Variants in RAB22A observed in about 807,000 individuals in gnomAD.
RAB22A encodes RAB22A, member RAS oncogene family.
RAB22A carries 13 observed loss-of-function variants against 30.2 expected under a neutral mutation model. The observed-to-expected ratio is 0.43, with a 90% CI of 0.28 to 0.68. RAB22A has a LOEUF of 0.68. Among genes scored for constraint, RAB22A ranks in the 30% least tolerant of loss-of-function variants. RAB22A has a pLI of 0.18. For missense variants in RAB22A, 177 were observed against 246.8 expected (o/e 0.72, Z 1.89); for synonymous variants, 89 against 87.2 (o/e 1.02, Z -0.11).
chr20:58,353,372 G>T, intron 4 of RAB22A, 28 bp downstream of exon 4: 1 of 1,610,244 alleles, frequency 6.2e-7, no homozygotes, highest in Non-Finnish European at 8.5e-7. Flanking sequence ...TCTTTAGATT[G>T]TTTTGAAAAC....
At position 58,347,578 on chromosome 20, in the gene RAB22A, C is replaced by T. The variant is rs546491616; in HGVS notation, c.198+3779C>T. Among the ~76,000 whole-genome samples the T allele has an allele frequency of 2.0e-5, 3 of 152,264 alleles. No homozygotes were observed. The East Asian group carries it at 5.8e-4, about 29-fold the overall frequency. ...TAGTATGTAGTTTTATCAGAAAATT[C>T]ATAGCCAAGTTATCAATCAAGTTCG... On this transcript the variant is annotated intron_variant, in intron 3 of 6. Coordinates refer to ENST00000244040, the MANE Select transcript of RAB22A (RefSeq NM_020673.3).
chr20:58,325,476 C>CA (rs377044321), intron 2 of RAB22A, among the ~76,000 whole-genome samples: 1,464 of 142,918 alleles, frequency 0.01, 22 homozygotes, highest in Middle Eastern at 0.033. Flanking sequence ...GACTCCGTCT[C>CA]AAAAAAAAAA....
chr20:58,343,667 G>A, intron 2 of RAB22A, 51 bp from the exon 3 acceptor site: 3 of 1,445,296 alleles, frequency 2.1e-6, no homozygotes, highest in Non-Finnish European at 2.9e-6. Context: ...ACTGGGGCTG[G>A]AAACGTGCTT....
chr20:58,312,769 C>T (rs138347465), intron 2 of RAB22A, among the ~76,000 whole-genome samples: 5 of 152,136 alleles, frequency 3.3e-5, no homozygotes, highest in Admixed American at 1.3e-4. Flanking sequence ...AGATTACAGG[C>T]GTGAGCCACC....
In RAB22A at chr20:58,366,792, A is replaced by G. The variant is rs867591752; in HGVS notation, c.*7089A>G. Reference sequence around the variant, plus strand: ...TGTTTTGTTTTGTTTTACCATTGGTAATAAGATAGTTAACATAAGTGGTCA... The same window carrying G: ...TGTTTTGTTTTGTTTTACCATTGGTGATAAGATAGTTAACATAAGTGGTCA... On this transcript the variant is annotated 3_prime_UTR_variant, in exon 7 of 7. Transcript: ENST00000244040. 6.6e-6 allele frequency: 1 copy of G among 152,314 alleles called. No homozygotes were observed. The highest frequency in any genetic ancestry group is 1.9e-4 in the East Asian group (1 of 5,204). 9.4% of individuals were successfully genotyped at this position (152,314 alleles called of 1,614,324 possible). A position where few individuals can be genotyped will look rare whatever the true frequency, so the allele number is the denominator to read the frequency against.
chr20:58,349,065 C>A (rs1053967009), intron 3 of RAB22A, among the ~76,000 whole-genome samples: 17 of 152,216 alleles, frequency 1.1e-4, no homozygotes, highest in Admixed American at 9.8e-4. Flanking sequence ...GTGCTGACAG[C>A]TTTTGAGTCT....
chr20:58,336,963 G>A (rs1009537552), intron 2 of RAB22A, among the ~76,000 whole-genome samples: 8 of 152,168 alleles, frequency 5.3e-5, no homozygotes, highest in South Asian at 4.2e-4. Flanking sequence ...GATTCTTGCC[G>A]TTGCTCTTCA....
At position 58,360,065 on chromosome 20, in the gene RAB22A, G is replaced by T. The variant is rs1177560386; in HGVS notation, c.*362G>T. 6.4e-6 allele frequency: 1 copy of T among 156,262 alleles called. No individual in the cohort carries two copies. The highest frequency in any genetic ancestry group is 2.4e-5 in the African/African-American group (1 of 41,520). 9.7% of individuals were successfully genotyped at this position (156,262 alleles called of 1,614,324 possible). On this transcript the variant is annotated 3_prime_UTR_variant, in exon 7 of 7. Coordinates refer to ENST00000244040, the MANE Select transcript of RAB22A (RefSeq NM_020673.3). ...ATTAGCACTTTTGTGGTTCTTAAGG[G>T]AAAAGAAACAGACCTTGTGGAGATT...
Position 58,363,687 on chromosome 20 carries a change from A to G in RAB22A, c.*3984A>G, listed in dbSNP as rs1245621888. On this transcript the variant is annotated 3_prime_UTR_variant, in exon 7 of 7. Transcript: ENST00000244040. ...TTTTTCTACCTCTTTAACAGTTAAT[A>G]TTTTTTAAAGGAAGAAATGGAATGT... is the stretch of plus-strand genomic sequence containing the variant. 1.3e-5 allele frequency: 2 copies of G among 152,202 alleles called. No homozygotes were observed. The highest frequency in any genetic ancestry group is 3.9e-4 in the East Asian group (2 of 5,194). The allele number at this position is 152,202 out of a possible 1,614,324, so 9.4% of individuals were successfully genotyped here.
chr20:58,358,298 C>T (rs1256889091), intron 6 of RAB22A, among the ~76,000 whole-genome samples: 1 of 152,184 alleles, frequency 6.6e-6, no homozygotes, highest in Non-Finnish European at 1.5e-5. Flanking sequence ...GGCACAGCCT[C>T]TTCAGAGAGT....
chr20:58,336,080 G>A (rs1024970442), intron 2 of RAB22A, among the ~76,000 whole-genome samples: 1 of 152,180 alleles, frequency 6.6e-6, no homozygotes, highest in Non-Finnish European at 1.5e-5. Flanking sequence ...CACGATCTCA[G>A]CTCACTGCAA....
chr20:58,318,809 G>A (rs893824094), intron 2 of RAB22A, among the ~76,000 whole-genome samples: 1 of 152,156 alleles, frequency 6.6e-6, no homozygotes, highest in Non-Finnish European at 1.5e-5. Context: ...TCAGAGCCAG[G>A]CTGTCTGCCT....
chr20:58,311,460 G>A (rs1247992458), intron 2 of RAB22A, among the ~76,000 whole-genome samples: 1 of 152,192 alleles, frequency 6.6e-6, no homozygotes, highest in Admixed American at 6.5e-5. Flanking sequence ...TATTCTTTCA[G>A]GCATATCAAG....
chr20:58,352,413 T>G (rs1486496939), intron 3 of RAB22A, among the ~76,000 whole-genome samples: 1 of 152,054 alleles, frequency 6.6e-6, no homozygotes, highest in Non-Finnish European at 1.5e-5. Flanking sequence ...GGCTTCAGAG[T>G]CAGGGTGCAA....
rs73293082 is a variant in RAB22A, at chr20:58,347,449, C to T, written c.198+3650C>T. Reference sequence around the variant, plus strand: ...TTGTGTATCAAAGGGTTAAGAGGGGCCTAGGGAAAATTGATGAAGCCCTCA... The same window carrying T: ...TTGTGTATCAAAGGGTTAAGAGGGGTCTAGGGAAAATTGATGAAGCCCTCA... On this transcript the variant is annotated intron_variant, in intron 3 of 6. Transcript: ENST00000244040. Among the ~76,000 whole-genome samples the T allele has an allele frequency of 7.4e-3, 1,130 of 152,160 alleles. 17 individuals are homozygous for T. Among genetic ancestry groups the T allele is most frequent in the African/African-American group, 0.024 (1,011 of 41,516 alleles).
intron 3 of RAB22A, 107 bp downstream of exon 3, chr20:58,343,906 C>G (rs903248923): frequency 1.1e-6 from 1 of 901,430 alleles, no homozygotes; most frequent in African/African-American, 1.7e-5. Flanking sequence ...CTTCTGTGCA[C>G]CGGAGACACA....
chr20:58,325,381 G>A (rs559264978), intron 2 of RAB22A, among the ~76,000 whole-genome samples: 2 of 152,266 alleles, frequency 1.3e-5, no homozygotes, highest in Admixed American at 6.5e-5. Context: ...GGAGGCTGAG[G>A]CAGGAGAATC....
chr20:58,314,945 A>T lies in RAB22A; in HGVS notation c.116+3823A>T, dbSNP rs115375744. On this transcript the variant is annotated intron_variant, in intron 2 of 6. Transcript: ENST00000244040. ...AAGAACCAGAATGGGCATGAGGGAC[A>T]GCAAGGACCGTGAGGCGGGAGGGCA... 9.2e-3 allele frequency among the ~76,000 whole-genome samples: 1,401 copies of T among 152,240 alleles called. 22 individuals are homozygous for T. Among genetic ancestry groups the T allele is most frequent in the Middle Eastern group, 0.031 (9 of 294 alleles).
At chr20:58,348,340 G>A (rs1304839396) in intron 3 of RAB22A, among the ~76,000 whole-genome samples, 1 of 152,162 alleles carries the variant, frequency 6.6e-6, no homozygotes, top group East Asian at 1.9e-4. Context: ...ACAGAGATCA[G>A]AACACTAGGA....
Sources: allele counts gnomAD v4.1 joint callset (sites outside exome capture counted in the v4.1 genomes callset), GRCh38; gene constraint gnomAD v4.1.1; transcripts MANE v1.5; gene names NCBI Gene and HGNC (gene_info 2026-07-23, HGNC 2026-07-21).